DLG2: variants seen among roughly 807,000 people sequenced by gnomAD.
The protein encoded by DLG2 is discs large MAGUK scaffold protein 2.
In DLG2, 45 loss-of-function variants were observed where a neutral mutation model predicts 132.5. The observed-to-expected ratio is 0.34, with a 90% CI of 0.27 to 0.44. The LOEUF (loss-of-function observed/expected upper bound fraction) is 0.44, where lower values mean the gene tolerates loss of function less well. Ranked by LOEUF, DLG2 falls within the 20% of genes least tolerant of loss-of-function variation. DLG2 has a pLI of 1.00. For missense variants in DLG2, 1,045 were observed against 1,196.9 expected (o/e 0.87, Z 1.87); for synonymous variants, 424 against 419.6 (o/e 1.01, Z -0.13).
intron 4 of DLG2, among the ~76,000 whole-genome samples, chr11:85,237,670 C>T (rs2075660154): frequency 6.6e-6 from 1 of 152,156 alleles, no homozygotes; most frequent in South Asian, 2.1e-4. Flanking sequence ...CCTCATTATA[C>T]CCCCTCCTGT....
At chr11:84,574,020 A>G (rs561748605) in intron 6 of DLG2, among the ~76,000 whole-genome samples, 72 of 152,166 alleles carry the variant, frequency 4.7e-4, no homozygotes, top group Non-Finnish European at 8.5e-4. Context: ...AGGACTAGGG[A>G]GGGGCAAAAC....
chr11:83,604,507 CTT>C (rs1403377224), intron 19 of DLG2, among the ~76,000 whole-genome samples: 2 of 152,158 alleles, frequency 1.3e-5, no homozygotes, highest in African/African-American at 4.8e-5. Flanking sequence ...GAAAAATACA[CTT>C]TGTCAAATTT....
At chr11:84,654,578 C>G (rs1054039884) in intron 6 of DLG2, among the ~76,000 whole-genome samples, 1 of 152,130 alleles carries the variant, frequency 6.6e-6, no homozygotes, top group African/African-American at 2.4e-5. Context: ...TTTAGTAAGT[C>G]CTGTCATTTA....
chr11:84,777,908 G>C (rs1481431994), intron 6 of DLG2, among the ~76,000 whole-genome samples: 1 of 152,032 alleles, frequency 6.6e-6, no homozygotes, highest in Non-Finnish European at 1.5e-5. Flanking sequence ...CAGGCTGTCT[G>C]TTCACTCTGT....
intron 10 of DLG2, among the ~76,000 whole-genome samples, chr11:84,072,071 C>T (rs1468437103): frequency 2.6e-5 from 4 of 152,222 alleles, no homozygotes; most frequent in African/African-American, 4.8e-5. Flanking sequence ...GTCTAATGCA[C>T]ATAAAGGCTT....
At chr11:83,788,114 G>A (rs933551987) in intron 17 of DLG2, among the ~76,000 whole-genome samples, 1 of 152,140 alleles carries the variant, frequency 6.6e-6, no homozygotes, top group African/African-American at 2.4e-5. Context: ...ATAAAGAACT[G>A]ATTAGCTTAT....
chr11:83,639,528 G>C (rs575117302), intron 18 of DLG2, among the ~76,000 whole-genome samples: 1 of 142,166 alleles, frequency 7.0e-6, no homozygotes, highest in East Asian at 2.2e-4. Context: ...AACACCGCAT[G>C]TTCTCACTCA....
chr11:83,671,791 CA>C (rs1287614059), intron 18 of DLG2, among the ~76,000 whole-genome samples: 2 of 152,266 alleles, frequency 1.3e-5, no homozygotes, highest in East Asian at 3.9e-4. Context: ...AATATAAGCA[CA>C]ATACAATTGT....
intron 17 of DLG2, among the ~76,000 whole-genome samples, chr11:83,829,091 C>G (rs2053732221): frequency 6.6e-6 from 1 of 152,118 alleles, no homozygotes; most frequent in Non-Finnish European, 1.5e-5. Flanking sequence ...GATCCCTTCC[C>G]TGGGGATTCT....
chr11:84,788,120 AAAAAAG>A, intron 6 of DLG2, among the ~76,000 whole-genome samples: 1 of 150,100 alleles, frequency 6.7e-6, no homozygotes. Flanking sequence ...AAAAAAAAAA[AAAAAAG>A]AAGAAGAAGA....
At chr11:85,016,559 T>C (rs2154137769) in intron 6 of DLG2, among the ~76,000 whole-genome samples, 1 of 152,288 alleles carries the variant, frequency 6.6e-6, no homozygotes, top group East Asian at 1.9e-4. Context: ...AGATAAATAC[T>C]GCATCTGGTC....
chr11:84,381,612 G>T (rs1014354771), intron 7 of DLG2, among the ~76,000 whole-genome samples: 1 of 152,112 alleles, frequency 6.6e-6, no homozygotes, highest in Non-Finnish European at 1.5e-5. Context: ...TTTCAATTTA[G>T]TAGTGATAAA....
At chr11:85,490,130 G>C (rs898557338) in intron 3 of DLG2, among the ~76,000 whole-genome samples, 1 of 152,066 alleles carries the variant, frequency 6.6e-6, no homozygotes. Flanking sequence ...TGAGACTGCA[G>C]TAAGCTATAA....
chr11:85,094,344 C>A (rs1430633956), intron 6 of DLG2, among the ~76,000 whole-genome samples: 1 of 152,212 alleles, frequency 6.6e-6, no homozygotes, highest in Admixed American at 6.5e-5. Flanking sequence ...AAGTTCCTAA[C>A]AAGAGAGTCA....
At chr11:83,623,135 T>C (rs1270747847) in intron 19 of DLG2, among the ~76,000 whole-genome samples, 1 of 152,206 alleles carries the variant, frequency 6.6e-6, no homozygotes, top group Non-Finnish European at 1.5e-5. Flanking sequence ...TTAAGTCTTC[T>C]TGTTGAATTG....
intron 9 of DLG2, among the ~76,000 whole-genome samples, chr11:84,115,588 T>C (rs896843676): frequency 2.0e-5 from 3 of 152,222 alleles, no homozygotes; most frequent in East Asian, 1.9e-4. Flanking sequence ...TCCCCTTTTA[T>C]GGTCCTCCAA....
At chr11:85,241,735 A>C (rs548312793) in intron 4 of DLG2, among the ~76,000 whole-genome samples, 1 of 151,998 alleles carries the variant, frequency 6.6e-6, no homozygotes, top group Non-Finnish European at 1.5e-5. Context: ...AATTAGAGAG[A>C]GATCTGGGAC....
chr11:85,148,704 G>A (rs944258684), intron 5 of DLG2, among the ~76,000 whole-genome samples: 17 of 152,168 alleles, frequency 1.1e-4, no homozygotes, highest in African/African-American at 4.1e-4. Flanking sequence ...TAGGTTGCCT[G>A]TTTGCTTTGA....
intron 14 of DLG2, among the ~76,000 whole-genome samples, chr11:83,942,778 T>A (rs189396015): frequency 1.3e-3 from 193 of 152,362 alleles, no homozygotes; most frequent in African/African-American, 4.3e-3. Flanking sequence ...AGGGGATAGA[T>A]CTTGAATGTT....
Sources: allele counts gnomAD v4.1 joint callset (sites outside exome capture counted in the v4.1 genomes callset), GRCh38; gene constraint gnomAD v4.1.1; transcripts MANE v1.5; gene names NCBI Gene and HGNC (gene_info 2026-07-23, HGNC 2026-07-21).